The following SCRT2 variants were observed in gnomAD, a reference collection of about 807,000 sequenced individuals.
SCRT2 encodes scratch family transcriptional repressor 2, also known as transcriptional repressor scratch 2.
A neutral mutation model predicts 3.7 loss-of-function variants in SCRT2; 2 were observed. That is an observed-to-expected ratio of 0.54 (90% CI 0.22 to 1.70). SCRT2 has a LOEUF of 1.70. SCRT2 is among the 40% of genes most tolerant of loss of function. The pLI is 0.19. For synonymous variants in SCRT2, 256 were observed against 220.6 expected (o/e 1.16, Z -1.42); for missense variants, 456 against 468.5 (o/e 0.97, Z 0.25).
At chr20:669,390 C>T (rs1984259384) in intron 1 of SCRT2, among the ~76,000 whole-genome samples, 1 of 152,208 alleles carries the variant, frequency 6.6e-6, no homozygotes. Context: ...AAAACAAGTT[C>T]TCATCAGAGC....
rs1211218059 is a variant in SCRT2, at chr20:661,701, A to G, written c.*1970T>C. 1 of 152,684 alleles carries G rather than the reference A, an allele frequency of 6.5e-6. No individual in the cohort carries two copies. The highest frequency in any genetic ancestry group is 1.5e-5 in the Non-Finnish European group (1 of 68,060). 9.5% of individuals were successfully genotyped at this position (152,684 alleles called of 1,614,324 possible). ...GGGGTGAGTTGGGATAGGACGGAGG[A>G]GGAGCGCCAAGCGCTCATACAAAAT... On this transcript the variant is annotated 3_prime_UTR_variant, in exon 2 of 2. Transcript: ENST00000246104.
At chr20:671,627 C>A (rs539006239) in intron 1 of SCRT2, among the ~76,000 whole-genome samples, 1 of 152,152 alleles carries the variant, frequency 6.6e-6, no homozygotes, top group Non-Finnish European at 1.5e-5. Context: ...AGCGACTACC[C>A]GGCACCATCA....
chr20:663,502 C>T lies in SCRT2; in HGVS notation c.*169G>A, dbSNP rs1287120209. 12 of 517,574 alleles carry T rather than the reference C, an allele frequency of 2.3e-5. No individual in the cohort carries two copies. The highest frequency in any genetic ancestry group is 3.6e-5 in the Non-Finnish European group (12 of 334,868). 32.1% of individuals were successfully genotyped at this position (517,574 alleles called of 1,614,324 possible). On this transcript the variant is annotated 3_prime_UTR_variant, in exon 2 of 2. Coordinates refer to ENST00000246104, the MANE Select transcript of SCRT2 (RefSeq NM_033129.4). The surrounding 1 kb of genome is among the most constrained non-coding windows in gnomAD (Gnocchi z 6.9). ...TGGGGAAGACGGTGTGGAAGTGAGT[C>T]GTGGGTTTGGGGGTTGGGGAGAAAA...
rs1240566964 is a variant in SCRT2, at chr20:665,847, C to T, written c.134-1386G>A. On this transcript the variant is annotated intron_variant, in intron 1 of 1. Transcript: ENST00000246104. The surrounding 1 kb of genome is among the most constrained non-coding windows in gnomAD (Gnocchi z 5.0). ...TGAGACCTGTAACCACTCCTCCTTC[C>T]CTCCTCCCCTAGCCTCCTTCACTGA... is the stretch of plus-strand genomic sequence containing the variant. Among the ~76,000 whole-genome samples the T allele has an allele frequency of 5.3e-5, 8 of 152,162 alleles. No individual in the cohort carries two copies. The highest frequency in any genetic ancestry group is 5.2e-4 in the Admixed American group (8 of 15,276).
chr20:663,339 T>G lies in SCRT2; in HGVS notation c.*332A>C, dbSNP rs543993865. 9 of 310,016 alleles carry G rather than the reference T, an allele frequency of 2.9e-5. No homozygotes were observed. The highest frequency in any genetic ancestry group is 1.5e-4 in the Admixed American group (3 of 19,438). The allele number at this position is 310,016 out of a possible 1,614,324, so 19.2% of individuals were successfully genotyped here. The stretch of plus-strand genomic sequence containing the variant: ...TAGAAGTTAGAAGAGCAGCGCGGGG[T>G]CTGGGAGGGAGAAATTTCCGGCTCT... On this transcript the variant is annotated 3_prime_UTR_variant, in exon 2 of 2. Coordinates refer to ENST00000246104, the MANE Select transcript of SCRT2 (RefSeq NM_033129.4). The surrounding 1 kb of genome is among the most constrained non-coding windows in gnomAD (Gnocchi z 6.9).
intron 1 of SCRT2, among the ~76,000 whole-genome samples, chr20:673,211 C>G (rs1225482710): frequency 6.6e-6 from 1 of 152,230 alleles, no homozygotes; most frequent in Non-Finnish European, 1.5e-5. Context: ...TGCCGCTACC[C>G]TCAGCCAGGT....
rs1351734490 is a variant in SCRT2, at chr20:667,257, G to A, written c.134-2796C>T. Reference sequence around the variant, plus strand: ...ACAAGGTGGTAGGTACCCTTTTATAGAAGAGGAAACCAAGGCACAAGGAAG... The same window carrying A: ...ACAAGGTGGTAGGTACCCTTTTATAAAAGAGGAAACCAAGGCACAAGGAAG... On this transcript the variant is annotated intron_variant, in intron 1 of 1. Transcript: ENST00000246104. This position sits in a 1 kb window ranked among gnomAD's most constrained non-coding sequence, Gnocchi z 4.4. Among the ~76,000 whole-genome samples, 1 of 152,180 alleles carries A rather than the reference G, an allele frequency of 6.6e-6. No homozygotes were observed. The highest frequency in any genetic ancestry group is 1.5e-5 in the Non-Finnish European group (1 of 68,038).
intron 1 of SCRT2, among the ~76,000 whole-genome samples, chr20:674,705 GTGTGTGTGTGTGTGTGTGTGTGTGTGTA>G (rs58914751): frequency 0.14 from 15,253 of 110,130 alleles, 1,371 homozygotes; most frequent in African/African-American, 0.28. Flanking sequence ...GTGTGTGTGT[GTGTGTGTGTGTGTGTGTGTGTGTGTGTA>G]TGTGTAGTGA....
At chr20:668,570 G>A (rs1225250747) in intron 1 of SCRT2, among the ~76,000 whole-genome samples, 1 of 152,120 alleles carries the variant, frequency 6.6e-6, no homozygotes, top group Non-Finnish European at 1.5e-5. Context: ...AACTTATCTG[G>A]GCTCAAATCC....
Position 675,734 on chromosome 20 carries a change from TGGC to T in SCRT2, c.-136_-134del. On this transcript the variant is annotated 5_prime_UTR_variant, in exon 1 of 2. Transcript: ENST00000246104. This position sits in a 1 kb window ranked among gnomAD's most constrained non-coding sequence, Gnocchi z 6.9. Reference sequence around the variant, plus strand: ...GGAGGCCGCTCGGAGCCGGCACCGGTGGCGGCGGCCCCGGCTCGGGCTCGGGCT... The same window carrying T: ...GGAGGCCGCTCGGAGCCGGCACCGGTGGCGGCCCCGGCTCGGGCTCGGGCT... 2.7e-6 allele frequency: 1 copy of T among 368,436 alleles called. No homozygotes were observed. Among genetic ancestry groups the T allele is most frequent in the Non-Finnish European group, 4.1e-6 (1 of 246,710 alleles). 22.8% of individuals were successfully genotyped at this position (368,436 alleles called of 1,614,324 possible).
In SCRT2 at chr20:667,691, A is replaced by T. The variant is rs1984198860; in HGVS notation, c.134-3230T>A. Among the ~76,000 whole-genome samples, 1 of 152,216 alleles carries T rather than the reference A, an allele frequency of 6.6e-6. No individual in the cohort carries two copies. The highest frequency in any genetic ancestry group is 2.4e-5 in the African/African-American group (1 of 41,538). The stretch of plus-strand genomic sequence containing the variant: ...GGGGTGCCTTCAACAAAGGCTGCTC[A>T]TTTGCCTAGGGAGGGCTGCAGAAGT... On this transcript the variant is annotated intron_variant, in intron 1 of 1. Coordinates refer to ENST00000246104, the MANE Select transcript of SCRT2 (RefSeq NM_033129.4). The surrounding 1 kb of genome is among the most constrained non-coding windows in gnomAD (Gnocchi z 4.4).
rs769821819 is a variant in SCRT2, at chr20:664,360, C to T, written c.235G>A (p.Glu79Lys). The change falls in exon 2 of 2, where the codon GAG becomes AAG. Residue 79 changes from glutamate to lysine, a missense_variant. By Grantham distance (56) the Glu-to-Lys change is moderately conservative. Around this residue, in one of 3 missense-constraint regions of SCRT2, gnomAD observed 306 missense variants for 305.3 expected, o/e 1.00. Transcript: ENST00000246104. This position sits in a 1 kb window ranked among gnomAD's most constrained non-coding sequence, Gnocchi z 7.9. Reference protein sequence around the residue: ...AEPAYPPAAPEEYSDPESPQS... With the variant: ...AEPAYPPAAPKEYSDPESPQS... ...GGGCTTTCGGGGTCGCTGTACTCCTCCGGCGCCGCCGGCGGGTACGCGGGC... is the reference window on the plus strand; with the variant it reads ...GGGCTTTCGGGGTCGCTGTACTCCTTCGGCGCCGCCGGCGGGTACGCGGGC... The T allele has an allele frequency of 2.8e-6, 4 of 1,452,148 alleles. No individual in the cohort carries two copies. The African/African-American group carries it at 4.3e-5, about 16-fold the overall frequency. 90.0% of individuals were successfully genotyped at this position (1,452,148 alleles called of 1,614,324 possible).
In SCRT2 at chr20:667,905, T is replaced by C. The variant is rs1323091062; in HGVS notation, c.134-3444A>G. Among the ~76,000 whole-genome samples, 1 of 152,192 alleles carries C rather than the reference T, an allele frequency of 6.6e-6. No individual in the cohort carries two copies. Among genetic ancestry groups the C allele is most frequent in the Non-Finnish European group, 1.5e-5 (1 of 68,028 alleles). On this transcript the variant is annotated intron_variant, in intron 1 of 1. Coordinates refer to ENST00000246104, the MANE Select transcript of SCRT2 (RefSeq NM_033129.4). This position sits in a 1 kb window ranked among gnomAD's most constrained non-coding sequence, Gnocchi z 4.4. ...TATACATGACAAAGATGGACTGGAA[T>C]GGTCTAAAGACCCTTTCTGCATCAT...
At chr20:673,158 G>A (rs1237598318) in intron 1 of SCRT2, among the ~76,000 whole-genome samples, 1 of 152,206 alleles carries the variant, frequency 6.6e-6, no homozygotes, top group Non-Finnish European at 1.5e-5. Context: ...CTATGGGGTA[G>A]CCTACAGAGA....
intron 1 of SCRT2, among the ~76,000 whole-genome samples, chr20:673,929 A>T (rs1984425840): frequency 6.6e-6 from 1 of 152,166 alleles, no homozygotes; most frequent in Non-Finnish European, 1.5e-5. Flanking sequence ...CACACTCTCC[A>T]GCTTTGGCAT....
At chr20:673,353 T>A (rs966372879) in intron 1 of SCRT2, among the ~76,000 whole-genome samples, 18 of 152,336 alleles carry the variant, frequency 1.2e-4, no homozygotes, top group Non-Finnish European at 2.4e-4. Context: ...TTGTCAAAGT[T>A]GGAAGGATGC....
chr20:663,695 C>T lies in SCRT2; in HGVS notation c.900G>A (p.Pro300=). ...ACAKAAEPPP[P]TPAGPAS is the part of the protein sequence containing the mutation. ...CTCAGCTGGCCGGGCCGGCGGGGGT[C>T]GGCGGGGGTGGCTCGGCCGCCTTGG... Residue 300 remains proline, a synonymous_variant, in exon 2 of 2, where the codon CCG becomes CCA. Coordinates refer to ENST00000246104, the MANE Select transcript of SCRT2 (RefSeq NM_033129.4). The surrounding 1 kb of genome is among the most constrained non-coding windows in gnomAD (Gnocchi z 6.9). The T allele has an allele frequency of 6.6e-7, 1 of 1,510,464 alleles. No homozygotes were observed. The highest frequency in any genetic ancestry group is 2.0e-5 in the Admixed American group (1 of 49,784). 93.6% of individuals were successfully genotyped at this position (1,510,464 alleles called of 1,614,324 possible).
chr20:673,492 T>G (rs1363034766), intron 1 of SCRT2, among the ~76,000 whole-genome samples: 1 of 152,216 alleles, frequency 6.6e-6, no homozygotes, highest in Non-Finnish European at 1.5e-5. Context: ...AGGCCAGGTT[T>G]CTGGCTATCA....
chr20:665,311 A>C lies in SCRT2; in HGVS notation c.134-850T>G, dbSNP rs550291488. Among the ~76,000 whole-genome samples the C allele has an allele frequency of 2.6e-4, 40 of 152,330 alleles. No individual in the cohort carries two copies. Among genetic ancestry groups the C allele is most frequent in the Non-Finnish European group, 5.1e-4 (35 of 68,030 alleles). ...CGATGAATAGATGTTGCATGAAGGA[A>C]TCACAATCCAGTTAGACCCACCTGC... is the stretch of plus-strand genomic sequence containing the variant. On this transcript the variant is annotated intron_variant, in intron 1 of 1. Transcript: ENST00000246104. The surrounding 1 kb of genome is among the most constrained non-coding windows in gnomAD (Gnocchi z 5.0).
Sources: allele counts gnomAD v4.1 joint callset (sites outside exome capture counted in the v4.1 genomes callset), GRCh38; gene constraint gnomAD v4.1.1; regional missense constraint gnomAD v4.1.1; non-coding constraint Gnocchi (gnomAD v3.1); transcripts MANE v1.5; gene names NCBI Gene and HGNC (gene_info 2026-07-23, HGNC 2026-07-21).